PI4KA: variants seen among roughly 807,000 people sequenced by gnomAD.
The protein encoded by PI4KA is phosphatidylinositol 4-kinase alpha.
A neutral mutation model predicts 271.4 loss-of-function variants in PI4KA; 122 were observed. The observed-to-expected ratio is 0.45, with a 90% CI of 0.39 to 0.52. PI4KA has a LOEUF of 0.52. Among genes scored for constraint, PI4KA ranks in the 20% least tolerant of loss-of-function variants. PI4KA has a pLI of 0.00. For missense variants in PI4KA, 1,969 were observed against 2,769.1 expected, an observed-to-expected ratio of 0.71 and a Z score of 6.48; for synonymous variants, 1,041 against 1,078.8, an observed-to-expected ratio of 0.96 and a Z score of 0.69.
chr22:20,805,042 A>C lies in PI4KA; in HGVS notation c.1292T>G (p.Leu431Arg). 2.5e-6 allele frequency: 4 copies of C among 1,614,112 alleles called. No homozygotes were observed. The highest frequency in any genetic ancestry group is 3.4e-6 in the Non-Finnish European group (4 of 1,179,974). ...ADRIHNELSP[L>R]KLRCQANAAC... is the part of the protein sequence containing the mutation. ...AGCATTCGCCTGACAGCGCAGTTTGAGGGGGCTCAGCTCATTGTGGATCCG... is the reference window on the plus strand; with the variant it reads ...AGCATTCGCCTGACAGCGCAGTTTGCGGGGGCTCAGCTCATTGTGGATCCG... Residue 431 changes from leucine to arginine, a missense_variant, in exon 11 of 55, where the codon CTC (leucine) becomes CGC (arginine). Around this residue, in one of 13 missense-constraint regions of PI4KA, gnomAD observed 540 missense variants for 555.5 expected, o/e 0.97. Transcript: ENST00000255882.
chr22:20,708,218 C>T (rs1924754184), intron 54 of PI4KA, 120 bp from the exon 55 acceptor site: 1 of 809,404 alleles, frequency 1.2e-6, no homozygotes. Context: ...CCTGAAGGTA[C>T]AAATGTCCCA....
At chr22:20,806,177 A>C (rs979538531) in intron 10 of PI4KA, among the ~76,000 whole-genome samples, 3 of 152,220 alleles carry the variant, frequency 2.0e-5, no homozygotes, top group Non-Finnish European at 2.9e-5. Flanking sequence ...AAATTTTGGT[A>C]TACCTTCCTG....
intron 10 of PI4KA, 55 bp from the exon 11 acceptor site, chr22:20,805,220 G>T (rs1935580697): frequency 1.6e-6 from 2 of 1,221,148 alleles, no homozygotes; most frequent in Admixed American, 1.8e-5. Flanking sequence ...TAGAACACAG[G>T]CAGTGCTAGC....
At chr22:20,788,294 A>T (rs1934402317) in intron 19 of PI4KA, among the ~76,000 whole-genome samples, 1 of 152,206 alleles carries the variant, frequency 6.6e-6, no homozygotes, top group African/African-American at 2.4e-5. Flanking sequence ...TCCAGGGACC[A>T]CACAAGGAGT....
intron 5 of PI4KA, 137 bp from the exon 6 acceptor site, chr22:20,820,037 T>A: frequency 1.3e-6 from 1 of 757,138 alleles, no homozygotes; most frequent in South Asian, 1.8e-5. Context: ...TAAGCCACAA[T>A]AATGGGGTCC....
rs1928404898 is a variant in PI4KA, at chr22:20,734,102, G to A, written c.3993C>T (p.Asn1331=). ...TCATGCTCCCCTTGGCCCCGCCGAT[G>A]TTCAGGGACATGGAGCGCTGCAGCA... is the stretch of plus-strand genomic sequence containing the variant. ...SSLLQRSMSL[N]IGGAKGSMNR... Residue 1331 remains asparagine, a synonymous_variant, in exon 34 of 55, where the codon AAC becomes AAT. Coordinates refer to ENST00000255882, the MANE Select transcript of PI4KA (RefSeq NM_058004.4). 3.1e-6 allele frequency: 5 copies of A among 1,608,180 alleles called. No individual in the cohort carries two copies. Among genetic ancestry groups the A allele is most frequent in the Non-Finnish European group, 2.5e-6 (3 of 1,178,098 alleles).
chr22:20,733,796 T>C lies in PI4KA; in HGVS notation c.4100A>G (p.Asn1367Ser). Residue 1367 changes from asparagine (N) to serine (S), a missense_variant, in exon 35 of 55, where the codon AAT (asparagine) becomes AGT (serine). Physicochemically the swap from Asn to Ser is conservative, Grantham distance 46. This residue lies in a region of PI4KA where 72 missense variants were observed against 103.1 expected (regional missense o/e 0.70). Coordinates refer to ENST00000255882, the MANE Select transcript of PI4KA (RefSeq NM_058004.4). ...LSLLHADVVP[N>S]ATIRNVLREK... ...GCGAAGCACATTGCGGATGGTTGCA[T>C]TTGGAACCACATCGGCATGCAGGAG... 1.2e-6 allele frequency: 2 copies of C among 1,612,738 alleles called. No individual in the cohort carries two copies.
At chr22:20,841,724 A>G (rs1160404374) in intron 1 of PI4KA, among the ~76,000 whole-genome samples, 2 of 152,310 alleles carry the variant, frequency 1.3e-5, no homozygotes, top group East Asian at 3.9e-4. Context: ...TAAATTAAGA[A>G]CCTTGAAATG....
chr22:20,800,988 T>C (rs1206056675), intron 14 of PI4KA, among the ~76,000 whole-genome samples: 3 of 149,496 alleles, frequency 2.0e-5, no homozygotes, highest in African/African-American at 7.4e-5. Flanking sequence ...CCTCCCGGGT[T>C]CAAGTGATTC....
chr22:20,734,387 G>C lies in PI4KA; in HGVS notation c.3900+8C>G, dbSNP rs1928442542. The C allele has an allele frequency of 6.4e-7, 1 of 1,567,964 alleles. No individual in the cohort carries two copies. The highest frequency in any genetic ancestry group is 1.4e-5 in the African/African-American group (1 of 73,524). ...CCCCACAGCCTTCGTGGGGGAACAG[G>C]CACGTACGTCGATCCAGATGTAGTG... On this transcript the variant is annotated splice_region_variant and intron_variant, in intron 33 of 54. Transcript: ENST00000255882.
At chr22:20,728,181 C>T (rs1489170436) in intron 39 of PI4KA, among the ~76,000 whole-genome samples, 4 of 152,098 alleles carry the variant, frequency 2.6e-5, no homozygotes, top group Admixed American at 1.3e-4. Flanking sequence ...GCTTATTTCA[C>T]GTTGCATGCC....
chr22:20,843,023 G>A (rs1378090792), intron 1 of PI4KA, among the ~76,000 whole-genome samples: 8 of 150,472 alleles, frequency 5.3e-5, no homozygotes, highest in African/African-American at 1.7e-4. Flanking sequence ...GCGTGAACCC[G>A]GGAGGCAGAG....
rs1439661398 is a variant in PI4KA at position 20,749,995 on chromosome 22, C to G, written c.3154-1G>C. On this transcript the variant is annotated splice_acceptor_variant, in intron 27 of 54. Coordinates refer to ENST00000255882, the MANE Select transcript of PI4KA (RefSeq NM_058004.4). LOFTEE classifies it high-confidence loss of function. ...GTGCAGCGAAGTCCTTCACAATGCT[C>G]TGGAAGAGGGTGAAGCTGCTTCTCA... 1 of 1,608,938 alleles carries G rather than the reference C, an allele frequency of 6.2e-7. No homozygotes were observed. Among genetic ancestry groups the G allele is most frequent in the African/African-American group, 1.3e-5 (1 of 74,766 alleles).
chr22:20,774,296 A>G (rs1042602330), intron 19 of PI4KA, among the ~76,000 whole-genome samples: 1 of 152,242 alleles, frequency 6.6e-6, no homozygotes, highest in Non-Finnish European at 1.5e-5. Context: ...CAGTGTGCCT[A>G]TTATAAAATT....
At chr22:20,773,385 C>CA (rs1442725330) in intron 19 of PI4KA, among the ~76,000 whole-genome samples, 1 of 151,668 alleles carries the variant, frequency 6.6e-6, no homozygotes, top group Non-Finnish European at 1.5e-5. Flanking sequence ...AACTCTGTCT[C>CA]AAAACAAACA....
At chr22:20,809,706 A>G (rs963222582) in intron 9 of PI4KA, among the ~76,000 whole-genome samples, 6 of 152,218 alleles carry the variant, frequency 3.9e-5, no homozygotes, top group Non-Finnish European at 4.4e-5. Context: ...TGAGTGAGTG[A>G]GAGAGTTAAA....
At chr22:20,724,699 C>T (rs1409947272) in intron 42 of PI4KA, among the ~76,000 whole-genome samples, 1 of 152,200 alleles carries the variant, frequency 6.6e-6, no homozygotes, top group African/African-American at 2.4e-5. Context: ...GGTACAACCA[C>T]ACACAGAAGA....
intron 19 of PI4KA, among the ~76,000 whole-genome samples, chr22:20,785,365 CT>C (rs1458548718): frequency 2.0e-5 from 3 of 152,232 alleles, no homozygotes; most frequent in Non-Finnish European, 4.4e-5. Context: ...GCCGCTGTGC[CT>C]GGCCCATTTG....
chr22:20,804,843 GGAGGC>G, intron 11 of PI4KA, 126 bp downstream of exon 11: 1 of 729,566 alleles, frequency 1.4e-6, no homozygotes. Flanking sequence ...CACGTGCCCA[GGAGGC>G]CTACTGCAAC....
Sources: allele counts gnomAD v4.1 joint callset (sites outside exome capture counted in the v4.1 genomes callset), GRCh38; gene constraint gnomAD v4.1.1; regional missense constraint gnomAD v4.1.1; transcripts MANE v1.5; gene names NCBI Gene and HGNC (gene_info 2026-07-23, HGNC 2026-07-21).